Variants in CEP44 observed in about 807,000 individuals in gnomAD.
CEP44 encodes centrosomal protein 44, also known as centrosomal protein of 44 kDa.
CEP44 carries 45 observed loss-of-function variants against 46.7 expected under a neutral mutation model. That is an observed-to-expected ratio of 0.96 (90% CI 0.76 to 1.24). The LOEUF (loss-of-function observed/expected upper bound fraction) is 1.24. CEP44 is among the 50% of genes most tolerant of loss of function. The pLI is 0.00. For synonymous variants in CEP44, 142 were observed against 146.0 expected (o/e 0.97, Z 0.20); for missense variants, 475 against 459.7 (o/e 1.03, Z -0.30).
At chr4:174,294,715 CG>C (rs1738667648) in intron 1 of CEP44, among the ~76,000 whole-genome samples, 2 of 145,520 alleles carry the variant, frequency 1.4e-5, no homozygotes, top group African/African-American at 5.1e-5. Context: ...GCTGGCCGGG[CG>C]GGGGGCTGAC....
chr4:174,316,139 G>A (rs1233779733), intron 9 of CEP44, 27 bp from the exon 10 acceptor site: 1 of 1,605,386 alleles, frequency 6.2e-7, no homozygotes, highest in African/African-American at 1.3e-5. Flanking sequence ...AAAGGAAAAG[G>A]TAATCTAAAA....
At chr4:174,328,340 T>C (rs2126703752) in intron 8 of CEP44, among the ~76,000 whole-genome samples, 1 of 152,338 alleles carries the variant, frequency 6.6e-6, no homozygotes, top group Non-Finnish European at 1.5e-5. Flanking sequence ...ACCTAGAATG[T>C]TGGCAGTAGT....
chr4:174,309,841 C>T lies in CEP44; in HGVS notation c.679-9C>T. On this transcript the variant is annotated splice_polypyrimidine_tract_variant and intron_variant, in intron 7 of 11. Transcript: ENST00000503780. The surrounding 1 kb of genome is among the most constrained non-coding windows in gnomAD (Gnocchi z 5.3). ...TTAATTTTATTTTTAATCTCTCTAA[C>T]CTTTTTAGGATGTAAATGTTAATCC... 6.4e-7 allele frequency: 1 copy of T among 1,561,222 alleles called. No individual in the cohort carries two copies. Among genetic ancestry groups the T allele is most frequent in the East Asian group, 2.3e-5 (1 of 44,296 alleles).
Position 174,310,048 on chromosome 4 carries a change from T to G in CEP44, c.877T>G (p.Ser293Ala). 6.2e-7 allele frequency: 1 copy of G among 1,609,914 alleles called. No individual in the cohort carries two copies. The highest frequency in any genetic ancestry group is 1.1e-5 in the South Asian group (1 of 90,338). ...TCTTCTTGAAACAGAAATGCTTTTG[T>G]CTAAAAAGGTATTTTCCTCCTTTAA... ...VTLLETEMLL[S>A]KKNDEFIEFN... Residue 293 changes from serine to alanine, a missense_variant, in exon 8 of 12, where the codon TCT (serine) becomes GCT (alanine). By Grantham distance (99) the Ser-to-Ala change is moderately conservative. Coordinates refer to ENST00000503780, the MANE Select transcript of CEP44 (RefSeq NM_001040157.3). The surrounding 1 kb of genome is among the most constrained non-coding windows in gnomAD (Gnocchi z 4.2).
intron 3 of CEP44, 62 bp downstream of exon 3, chr4:174,299,272 C>T: frequency 1.1e-5 from 15 of 1,319,112 alleles, no homozygotes; most frequent in Non-Finnish European, 1.6e-5. Flanking sequence ...TGATATTTAA[C>T]ATGGGGGACT....
Position 174,294,925 on chromosome 4 carries a change from C to T in CEP44, c.-147-3041C>T, listed in dbSNP as rs540799514. Among the ~76,000 whole-genome samples the T allele has an allele frequency of 3.2e-4, 44 of 138,692 alleles. 1 individual carries two copies. The highest frequency in any genetic ancestry group is 1.1e-3 in the African/African-American group (41 of 36,732). The allele number at this position is 138,692 out of a possible 152,430, so 91.0% of individuals were successfully genotyped here. On this transcript the variant is annotated intron_variant, in intron 1 of 11. Transcript: ENST00000503780. ...TGGGCTCCTCACTTCCCGGTAGGGG[C>T]GGCCAGGCAGAGGCGCCCCTCACCT...
chr4:174,319,498 A>G lies in CEP44; in HGVS notation c.*2115A>G, dbSNP rs1742098329. On this transcript the variant is annotated 3_prime_UTR_variant, in exon 12 of 12. Transcript: ENST00000503780. Reference sequence around the variant, plus strand: ...TTTTTGAAGTTTTCTTATGGAAGATAGAAAAAAAGTTAAGTCTCTTTCTAC... The same window carrying G: ...TTTTTGAAGTTTTCTTATGGAAGATGGAAAAAAAGTTAAGTCTCTTTCTAC... 1 of 930,752 alleles carries G rather than the reference A, an allele frequency of 1.1e-6. No individual in the cohort carries two copies. The highest frequency in any genetic ancestry group is 5.0e-5 in the South Asian group (1 of 20,062). 57.7% of individuals were successfully genotyped at this position (930,752 alleles called of 1,614,324 possible). A position where few individuals can be genotyped will look rare whatever the true frequency, so the allele number is the denominator to read the frequency against.
In CEP44 at chr4:174,309,124, A is replaced by G. The variant is rs572526599; in HGVS notation, c.678+265A>G. ...GGTACTTGGCTTTAAGGAATCTACAATTTAGTGAGACATAGCGATATGCTA... is the reference window on the plus strand; with the variant it reads ...GGTACTTGGCTTTAAGGAATCTACAGTTTAGTGAGACATAGCGATATGCTA... On this transcript the variant is annotated intron_variant, in intron 7 of 11. Coordinates refer to ENST00000503780, the MANE Select transcript of CEP44 (RefSeq NM_001040157.3). The surrounding 1 kb of genome is among the most constrained non-coding windows in gnomAD (Gnocchi z 5.3). 7.9e-5 allele frequency among the ~76,000 whole-genome samples: 12 copies of G among 152,224 alleles called. No homozygotes were observed. In the South Asian group the frequency reaches 2.1e-3, roughly 26 times the overall value.
In CEP44 at chr4:174,325,506, T is replaced by A. The variant is rs1015458950; in HGVS notation, c.1087-5976T>A. ...CTGTCTCTACAAAAATTTTTTTAAA[T>A]TAGCCAAGCATAGTGGTATGCACCT... is the stretch of plus-strand genomic sequence containing the variant. On this transcript the variant is annotated intron_variant, in intron 8 of 8. Coordinates refer to the CEP44 transcript ENST00000426172. This position sits in a 1 kb window ranked among gnomAD's most constrained non-coding sequence, Gnocchi z 4.4. 6.6e-6 allele frequency among the ~76,000 whole-genome samples: 1 copy of A among 151,864 alleles called. No homozygotes were observed. Among genetic ancestry groups the A allele is most frequent in the Non-Finnish European group, 1.5e-5 (1 of 67,970 alleles).
At position 174,294,970 on chromosome 4, in the gene CEP44, CGGGTGGGGGGCTG is replaced by C. The variant is rs1738754666; in HGVS notation, c.-147-2995_-147-2983del. Among the ~76,000 whole-genome samples the C allele has an allele frequency of 1.5e-5, 2 of 133,850 alleles. 1 individual carries two copies. Among genetic ancestry groups the C allele is most frequent in the African/African-American group, 6.1e-5 (2 of 32,898 alleles). The allele number at this position is 133,850 out of a possible 152,430, so 87.8% of individuals were successfully genotyped here. ...TCACCTCCTGGACGGGACGGCTGGC[CGGGTGGGGGGCTG>C]ACCCCCCCACCTCCCTCCCGGATGG... On this transcript the variant is annotated intron_variant, in intron 1 of 11. Transcript: ENST00000503780.
intron 6 of CEP44, among the ~76,000 whole-genome samples, chr4:174,307,410 T>TCAGAA: frequency 6.6e-6 from 1 of 152,228 alleles, no homozygotes; most frequent in African/African-American, 2.4e-5. Context: ...GGTAGCCATA[T>TCAGAA]GCAGAAGATT....
At chr4:174,307,078 CCAT>C (rs1740495505) in intron 6 of CEP44, among the ~76,000 whole-genome samples, 13 of 152,098 alleles carry the variant, frequency 8.5e-5, no homozygotes, top group Admixed American at 8.5e-4. Flanking sequence ...CATTAAACTA[CCAT>C]TGACAGTCTT....
At position 174,295,588 on chromosome 4, in the gene CEP44, C is replaced by T. The variant is rs1004933019; in HGVS notation, c.-147-2378C>T. Reference sequence around the variant, plus strand: ...GCTCCTCACTTCCCAGACGGGGTGGCGGCCGGGCAGAGGCTGCAATCTTGG... The same window carrying T: ...GCTCCTCACTTCCCAGACGGGGTGGTGGCCGGGCAGAGGCTGCAATCTTGG... On this transcript the variant is annotated intron_variant, in intron 1 of 11. Coordinates refer to ENST00000503780, the MANE Select transcript of CEP44 (RefSeq NM_001040157.3). 4.0e-5 allele frequency among the ~76,000 whole-genome samples: 6 copies of T among 151,826 alleles called. No individual in the cohort carries two copies. In the South Asian group the frequency reaches 8.4e-4, roughly 21 times the overall value.
At position 174,287,381 on chromosome 4, in the gene CEP44, G is replaced by C. The variant is rs189806981; in HGVS notation, c.-148+3438G>C. ...TTAGTTTGGGATCTAAGACTTATTT[G>C]AGGTGGTGACATTTAAGCAGGATGC... On this transcript the variant is annotated intron_variant, in intron 1 of 11. Coordinates refer to ENST00000503780, the MANE Select transcript of CEP44 (RefSeq NM_001040157.3). This position sits in a 1 kb window ranked among gnomAD's most constrained non-coding sequence, Gnocchi z 5.1. Among the ~76,000 whole-genome samples the C allele has an allele frequency of 1.4e-4, 21 of 152,236 alleles. No homozygotes were observed. The highest frequency in any genetic ancestry group is 1.0e-3 in the Admixed American group (16 of 15,292).
chr4:174,285,626 A>T (rs1354564803), intron 1 of CEP44: 1 of 152,208 alleles, frequency 6.6e-6, no homozygotes, highest in African/African-American at 2.4e-5. Context: ...TGCACTGGGA[A>T]AATGGAATAT....
At position 174,301,911 on chromosome 4, in the gene CEP44, A is replaced by G. The variant is rs1739758303; in HGVS notation, c.90-128A>G. On this transcript the variant is annotated intron_variant, in intron 3 of 11. Coordinates refer to ENST00000503780, the MANE Select transcript of CEP44 (RefSeq NM_001040157.3). The surrounding 1 kb of genome is among the most constrained non-coding windows in gnomAD (Gnocchi z 4.3). ...TCTAGAAAGTCTCATGTATCACCTA[A>G]TTATTATAGCTATAGTGTTAAGTTT... The G allele has an allele frequency of 1.5e-5, 12 of 795,344 alleles. No individual in the cohort carries two copies. Among genetic ancestry groups the G allele is most frequent in the Non-Finnish European group, 2.1e-5 (11 of 523,282 alleles). 49.3% of individuals were successfully genotyped at this position (795,344 alleles called of 1,614,324 possible). A position where few individuals can be genotyped will look rare whatever the true frequency, so the allele number is the denominator to read the frequency against.
chr4:174,308,692 A>C lies in CEP44; in HGVS notation c.511A>C (p.Lys171Gln). 6.3e-7 allele frequency: 1 copy of C among 1,598,224 alleles called. No individual in the cohort carries two copies. Among genetic ancestry groups the C allele is most frequent in the Non-Finnish European group, 8.5e-7 (1 of 1,170,400 alleles). ...SGRFMTSGKK[K>Q]AVVIRHLYNE... ...TTACATATTTTTCTCTATGCAGAAG[A>C]AAGCTGTGGTGATTCGTCACTTGTA... is the stretch of plus-strand genomic sequence containing the variant. The change falls in exon 7 of 12, where the codon AAA becomes CAA. Residue 171 changes from lysine to glutamine, a missense_variant. Transcript: ENST00000503780.
downstream of CEP44, among the ~76,000 whole-genome samples, chr4:174,323,685 G>T (rs1439834712): frequency 6.6e-6 from 1 of 152,136 alleles, no homozygotes; most frequent in Non-Finnish European, 1.5e-5. Flanking sequence ...GCTGATCTGT[G>T]CGAGTGCAGT....
chr4:174,289,297 T>C (rs536767498), intron 1 of CEP44, among the ~76,000 whole-genome samples: 638 of 59,500 alleles, frequency 0.011, 2 homozygotes, highest in Non-Finnish European at 0.014. Context: ...TCCCTCTTCT[T>C]TTTTTTTTTT....
Sources: allele counts gnomAD v4.1 joint callset (sites outside exome capture counted in the v4.1 genomes callset), GRCh38; gene constraint gnomAD v4.1.1; non-coding constraint Gnocchi (gnomAD v3.1); transcripts MANE v1.5; gene names NCBI Gene and HGNC (gene_info 2026-07-23, HGNC 2026-07-21).